AAMDC: variants seen among roughly 807,000 people sequenced by gnomAD.
AAMDC encodes adipogenesis associated Mth938 domain containing, also known as mth938 domain-containing protein.
A neutral mutation model predicts 15.5 loss-of-function variants in AAMDC; 16 were observed. The ratio of observed to expected loss-of-function variants is 1.03; its 90% CI spans 0.70 to 1.57. The LOEUF is 1.57. AAMDC is among the 40% of genes most tolerant of loss of function. The pLI is 0.00. For synonymous variants in AAMDC, 51 were observed against 51.6 expected (o/e 0.99, Z 0.05); for missense variants, 141 against 144.9 (o/e 0.97, Z 0.14).
chr11:77,832,580 C>A (rs552837595), intron 1 of AAMDC, among the ~76,000 whole-genome samples: 24 of 152,196 alleles, frequency 1.6e-4, no homozygotes, highest in Middle Eastern at 6.8e-3. Flanking sequence ...CCCGCCTCAG[C>A]CTCCCAAAGT....
At chr11:77,861,011 T>A (rs1397289395) in intron 2 of AAMDC, among the ~76,000 whole-genome samples, 7 of 152,180 alleles carry the variant, frequency 4.6e-5, no homozygotes, top group Non-Finnish European at 8.8e-5. Context: ...ACAATTTTCT[T>A]GAGTCCTTGT....
chr11:77,869,653 C>G, intron 2 of AAMDC, 69 bp from the exon 3 acceptor site: 1 of 1,412,052 alleles, frequency 7.1e-7, no homozygotes, highest in South Asian at 1.2e-5. Context: ...TGAATGAATC[C>G]CACAAGAATG....
chr11:77,838,669 T>C (rs1949799188), intron 1 of AAMDC, among the ~76,000 whole-genome samples: 4 of 148,698 alleles, frequency 2.7e-5, no homozygotes. Context: ...CAGGCCAGAC[T>C]GCAGTGGCAT....
chr11:77,869,305 TC>T (rs1951287054), intron 2 of AAMDC: 5 of 149,602 alleles, frequency 3.3e-5, no homozygotes, highest in Non-Finnish European at 6.7e-5. Context: ...TTTATTTATC[TC>T]TTTTTCTTTT....
chr11:77,899,614 G>A (rs1952689426), intron 5 of AAMDC, among the ~76,000 whole-genome samples: 2 of 151,880 alleles, frequency 1.3e-5, no homozygotes, highest in South Asian at 4.2e-4. Flanking sequence ...AGGTTGCAGT[G>A]AGCTGAGATC....
rs1240704822 is a variant in AAMDC, at chr11:77,842,548, G to T, written c.52G>T (p.Gly18Cys). 1 of 1,614,056 alleles carries T rather than the reference G, an allele frequency of 6.2e-7. No homozygotes were observed. The highest frequency in any genetic ancestry group is 1.1e-5 in the South Asian group (1 of 91,056). The change falls in exon 2 of 4, where the codon GGC becomes TGC. Residue 18 changes from glycine to cysteine, a missense_variant. Physicochemically the swap from Gly to Cys is radical, Grantham distance 159. Transcript: ENST00000393427. ...SLSWGQMKVK[G>C]SNTTYKDCKV... ...ATCATGGGGGCAAATGAAAGTAAAA[G>T]GCTCTAATACAACCTATAAGGACTG...
intron 2 of AAMDC, among the ~76,000 whole-genome samples, chr11:77,846,388 G>A (rs994647663): frequency 6.6e-5 from 10 of 152,214 alleles, no homozygotes; most frequent in Non-Finnish European, 1.3e-4. Context: ...GGAGACCAAG[G>A]CAGGCAGCTC....
intron 1 of AAMDC, among the ~76,000 whole-genome samples, chr11:77,823,621 CAAAAAAA>C (rs397970373): frequency 2.0e-5 from 2 of 97,658 alleles, no homozygotes; most frequent in Middle Eastern, 5.4e-3. Flanking sequence ...CACCCTGTCT[CAAAAAAA>C]AAAAAAAAAA....
At chr11:77,824,554 C>T (rs1290936528) in intron 1 of AAMDC, among the ~76,000 whole-genome samples, 2 of 152,172 alleles carry the variant, frequency 1.3e-5, no homozygotes, top group African/African-American at 4.8e-5. Context: ...GAGTAATACA[C>T]ACTGTTGATA....
intron 5 of AAMDC, among the ~76,000 whole-genome samples, chr11:77,879,797 C>T (rs1387282960): frequency 1.3e-5 from 2 of 152,164 alleles, no homozygotes; most frequent in African/African-American, 2.4e-5. Context: ...GTACAACACA[C>T]GCTCTAACCA....
intron 1 of AAMDC, among the ~76,000 whole-genome samples, chr11:77,832,177 C>A (rs1949458972): frequency 6.6e-6 from 1 of 152,036 alleles, no homozygotes; most frequent in Admixed American, 6.6e-5. Flanking sequence ...ATCACACTGA[C>A]AATAGTTAAC....
intron 2 of AAMDC, among the ~76,000 whole-genome samples, chr11:77,844,467 A>T (rs1297947762): frequency 6.6e-6 from 1 of 151,940 alleles, no homozygotes; most frequent in Non-Finnish European, 1.5e-5. Context: ...GGTGAAAGGG[A>T]TCTTCCTCCC....
intron 2 of AAMDC, among the ~76,000 whole-genome samples, chr11:77,862,275 G>A (rs1018830461): frequency 6.6e-6 from 1 of 152,204 alleles, no homozygotes; most frequent in African/African-American, 2.4e-5. Flanking sequence ...TCGGGCTGCA[G>A]TTATGATGGC....
chr11:77,900,172 C>T (rs577693225), intron 5 of AAMDC, among the ~76,000 whole-genome samples: 97 of 151,834 alleles, frequency 6.4e-4, no homozygotes, highest in South Asian at 2.7e-3. Context: ...TGATTTCGGC[C>T]CACTGCAACC....
chr11:77,881,572 G>T (rs1329450219), intron 5 of AAMDC, among the ~76,000 whole-genome samples: 1 of 152,198 alleles, frequency 6.6e-6, no homozygotes, highest in Admixed American at 6.5e-5. Flanking sequence ...AATGAAAAGA[G>T]AATACTAATT....
intron 2 of AAMDC, among the ~76,000 whole-genome samples, chr11:77,857,193 C>T (rs937679562): frequency 5.3e-4 from 81 of 152,080 alleles, no homozygotes; most frequent in African/African-American, 1.8e-3. Flanking sequence ...TTAAGTGCCA[C>T]GGTAGATGAA....
rs1565214826 is a variant in AAMDC, at chr11:77,872,247, G to A, written c.301G>A (p.Val101Met). ...GCGGGTCCTCCAGACAGAGCAGGCA[G>A]TGAAGGAGTATAATGCCTTGGTTGC... ...DVRVLQTEQA[V>M]KEYNALVAQG... The change falls in exon 4 of 4, where the codon GTG (valine) becomes ATG (methionine). Residue 101 changes from valine to methionine, a missense_variant. Coordinates refer to ENST00000393427, the MANE Select transcript of AAMDC (RefSeq NM_024684.4). 1 of 1,613,880 alleles carries A rather than the reference G, an allele frequency of 6.2e-7. No homozygotes were observed.
intron 5 of AAMDC, among the ~76,000 whole-genome samples, chr11:77,877,414 T>C (rs931740600): frequency 6.6e-6 from 1 of 152,240 alleles, no homozygotes. Flanking sequence ...TCAAATATGA[T>C]CAAGACTGGC....
intron 5 of AAMDC, among the ~76,000 whole-genome samples, chr11:77,890,787 G>C (rs1301753644): frequency 6.6e-6 from 1 of 152,204 alleles, no homozygotes; most frequent in Non-Finnish European, 1.5e-5. Flanking sequence ...TGAAGTAGTA[G>C]TACTCTTTGT....
Sources: gnomAD v4.1 joint callset for allele counts (sites outside exome capture counted in the v4.1 genomes callset) on GRCh38, gnomAD v4.1.1 for gene constraint, MANE v1.5 for transcripts, NCBI Gene and HGNC (gene_info 2026-07-23, HGNC 2026-07-21) for gene names.